HOMER2: variants seen among roughly 807,000 people sequenced by gnomAD.
HOMER2 encodes homer scaffold protein 2.
In HOMER2, 27 loss-of-function variants were observed where a neutral mutation model predicts 47.0. That is an observed-to-expected ratio of 0.57 (90% CI 0.42 to 0.79). HOMER2 has a LOEUF of 0.79. Ranked by LOEUF, HOMER2 falls within the 30% of genes least tolerant of loss-of-function variation. The pLI is 0.00. For missense variants in HOMER2, 443 were observed against 435.0 expected, an observed-to-expected ratio of 1.02 and a Z score of -0.16; for synonymous variants, 161 against 163.8, an observed-to-expected ratio of 0.98 and a Z score of 0.13.
upstream of HOMER2, among the ~76,000 whole-genome samples, chr15:82,955,021 C>T (rs1041208718): frequency 2.6e-5 from 4 of 152,268 alleles, no homozygotes; most frequent in South Asian, 6.2e-4. Flanking sequence ...CGTGATCGGC[C>T]CACCTCAGCC....
upstream of HOMER2, among the ~76,000 whole-genome samples, chr15:82,956,693 G>C (rs939832102): frequency 1.3e-5 from 2 of 152,178 alleles, no homozygotes; most frequent in Non-Finnish European, 2.9e-5. Flanking sequence ...TGGTGGATGG[G>C]ATGTGTATTA....
chr15:82,984,369 T>C (rs2030514349), intron 1 of HOMER2, among the ~76,000 whole-genome samples: 1 of 152,196 alleles, frequency 6.6e-6, no homozygotes. Flanking sequence ...GTTACACCTC[T>C]TACCTTTACT....
intron 6 of HOMER2, 22 bp downstream of exon 6, chr15:82,854,622 T>C (rs758790149): frequency 6.2e-7 from 1 of 1,600,924 alleles, no homozygotes. Flanking sequence ...GCCTCGGGGC[T>C]CACTGCATCC....
chr15:82,985,629 T>C (rs1328421329), intron 1 of HOMER2: 1 of 152,196 alleles, frequency 6.6e-6, no homozygotes, highest in African/African-American at 2.4e-5. Flanking sequence ...GAGGCCAAGC[T>C]TTGTCGGGAT....
At chr15:82,958,415 T>C (rs905118482) in exon 2 of HOMER2, 3 of 152,212 alleles carry the variant, frequency 2.0e-5, no homozygotes, top group African/African-American at 7.2e-5. Context: ...AACAGTGTGG[T>C]AGGAAGTGGC....
intron 1 of HOMER2, among the ~76,000 whole-genome samples, chr15:82,977,300 C>T (rs768123423): frequency 2.0e-5 from 3 of 152,202 alleles, no homozygotes; most frequent in Non-Finnish European, 4.4e-5. Context: ...TCTGAGGGAA[C>T]ATATGGAACC....
chr15:82,868,523 T>TTTTATATATATATATATA (rs1453193520), intron 3 of HOMER2, among the ~76,000 whole-genome samples: 2 of 36,640 alleles, frequency 5.5e-5, no homozygotes, highest in African/African-American at 1.1e-4. Flanking sequence ...CTTATTTATT[T>TTTTATATATATATATATA]TATATATATA....
rs2052617502 is a variant in HOMER2 at position 82,888,710 on chromosome 15, C to G, written c.162+3975G>C. Among the ~76,000 whole-genome samples, 2 of 81,674 alleles carry G rather than the reference C, an allele frequency of 2.4e-5. 1 individual carries two copies. The allele number at this position is 81,674 out of a possible 152,430, so 53.6% of individuals were successfully genotyped here. On this transcript the variant is annotated intron_variant, in intron 2 of 8. Transcript: ENST00000450735. ...GACTCGGAAAGGGAACTCCCTGACCCCTTGCGCTTCCCAGGTGAGGCAATG... is the reference window on the plus strand; with the variant it reads ...GACTCGGAAAGGGAACTCCCTGACCGCTTGCGCTTCCCAGGTGAGGCAATG...
At chr15:82,868,496 A>G (rs1278166928) in intron 3 of HOMER2, among the ~76,000 whole-genome samples, 4 of 118,108 alleles carry the variant, frequency 3.4e-5, no homozygotes, top group African/African-American at 6.1e-5. Context: ...TTTAAGTTAC[A>G]TAAGTTATAT....
chr15:82,953,806 C>A (rs1357344721), upstream of HOMER2, among the ~76,000 whole-genome samples: 1 of 152,194 alleles, frequency 6.6e-6, no homozygotes, highest in African/African-American at 2.4e-5. Flanking sequence ...TCGCGTGAAC[C>A]TGGAAGGCGG....
At chr15:82,861,309 A>C (rs2151627926) in intron 4 of HOMER2, among the ~76,000 whole-genome samples, 1 of 152,366 alleles carries the variant, frequency 6.6e-6, no homozygotes, top group Non-Finnish European at 1.5e-5. Context: ...AGAAATGCAG[A>C]TGTCACAAAT....
At chr15:82,943,446 C>G (rs1291267992) in intron 1 of HOMER2, among the ~76,000 whole-genome samples, 1 of 152,198 alleles carries the variant, frequency 6.6e-6, no homozygotes, top group Non-Finnish European at 1.5e-5. Context: ...CTTGATGCCA[C>G]CTCCACTGGG....
intron 1 of HOMER2, among the ~76,000 whole-genome samples, chr15:82,904,205 G>A (rs1410280315): frequency 6.6e-6 from 1 of 152,168 alleles, no homozygotes; most frequent in African/African-American, 2.4e-5. Context: ...TGAGGTCACA[G>A]GGCAAACCAC....
At chr15:82,855,453 G>T (rs545316955) in intron 5 of HOMER2, among the ~76,000 whole-genome samples, 1 of 152,182 alleles carries the variant, frequency 6.6e-6, no homozygotes, top group South Asian at 2.1e-4. Flanking sequence ...GCTTCCTCCT[G>T]AAAGGAGTTT....
chr15:82,963,694 CATT>C (rs2054650040), intron 1 of HOMER2, among the ~76,000 whole-genome samples: 1 of 152,148 alleles, frequency 6.6e-6, no homozygotes. Flanking sequence ...TGGAGTGTTC[CATT>C]AGCAAAGAGG....
chr15:82,889,393 C>A (rs796607183), intron 2 of HOMER2, among the ~76,000 whole-genome samples: 1 of 152,178 alleles, frequency 6.6e-6, no homozygotes, highest in African/African-American at 2.4e-5. Context: ...GCTTGGGTAG[C>A]CAGTGAACAT....
intron 1 of HOMER2, among the ~76,000 whole-genome samples, chr15:82,899,797 C>T (rs547564198): frequency 1.3e-5 from 2 of 152,044 alleles, no homozygotes; most frequent in East Asian, 1.9e-4. Context: ...CCAAGGTGGG[C>T]GGATCACTTG....
At chr15:82,873,307 A>T (rs1596316299) in intron 3 of HOMER2, among the ~76,000 whole-genome samples, 1 of 152,156 alleles carries the variant, frequency 6.6e-6, no homozygotes, top group South Asian at 2.1e-4. Flanking sequence ...GATACTGTGG[A>T]CCGCCATGCC....
exon 2 of HOMER2, chr15:82,840,508 C>T (rs1199292544): frequency 6.6e-6 from 1 of 152,084 alleles, no homozygotes; most frequent in African/African-American, 2.4e-5. Flanking sequence ...TGCTCTGTGT[C>T]CCAGGCATGC....
Sources: gnomAD v4.1 joint callset for allele counts (sites outside exome capture counted in the v4.1 genomes callset) on GRCh38, gnomAD v4.1.1 for gene constraint, MANE v1.5 for transcripts, NCBI Gene and HGNC (gene_info 2026-07-23, HGNC 2026-07-21) for gene names.